Variants in IQGAP2 observed in about 807,000 individuals in gnomAD.
The protein encoded by IQGAP2 is IQ motif containing GTPase activating protein 2.
IQGAP2 carries 173 observed loss-of-function variants against 201.3 expected under a neutral mutation model. That is an observed-to-expected ratio of 0.86 (90% CI 0.76 to 0.98). The LOEUF is 0.98. Among genes scored for constraint, IQGAP2 ranks in the 50% least tolerant of loss-of-function variants. The pLI is 0.00. For missense variants in IQGAP2, 1,687 were observed against 1,864.8 expected (o/e 0.90, Z 1.76); for synonymous variants, 675 against 673.9 (o/e 1.00, Z -0.03).
At position 76,523,396 on chromosome 5, in the gene IQGAP2, T is replaced by C. The variant is rs1018004134; in HGVS notation, c.147-39000T>C. On this transcript the variant is annotated intron_variant, in intron 2 of 35. Coordinates refer to ENST00000274364, the MANE Select transcript of IQGAP2 (RefSeq NM_006633.5). ...TTGAACCACCACGACCAGCCTTAAT[T>C]TTCACTGGGAAAGATTATTGAACTG... 3.3e-5 allele frequency among the ~76,000 whole-genome samples: 5 copies of C among 152,248 alleles called. No individual in the cohort carries two copies. In the East Asian group the frequency reaches 9.7e-4, roughly 29 times the overall value.
At chr5:76,640,404 C>G (rs935862056) in intron 16 of IQGAP2, among the ~76,000 whole-genome samples, 6 of 152,164 alleles carry the variant, frequency 3.9e-5, no homozygotes, top group African/African-American at 1.4e-4. Context: ...GCTCTCTATC[C>G]TTAATAGCAC....
chr5:76,615,765 A>T (rs1474518588), intron 13 of IQGAP2: 1 of 83,624 alleles, frequency 1.2e-5, no homozygotes. Flanking sequence ...AATGGGTATT[A>T]ATAACAAAAT....
At chr5:76,437,474 C>T (rs917209548) in intron 1 of IQGAP2, among the ~76,000 whole-genome samples, 1 of 152,162 alleles carries the variant, frequency 6.6e-6, no homozygotes, top group Non-Finnish European at 1.5e-5. Context: ...ATCAACCCAT[C>T]ACCTAGGTAT....
At chr5:76,689,942 A>G (rs913722850) in intron 30 of IQGAP2, among the ~76,000 whole-genome samples, 2 of 152,214 alleles carry the variant, frequency 1.3e-5, no homozygotes, top group Non-Finnish European at 2.9e-5. Flanking sequence ...ACCAGCTTAC[A>G]AGCGCCGTAT....
chr5:76,535,461 G>T (rs1008042877), intron 2 of IQGAP2, among the ~76,000 whole-genome samples: 1 of 152,150 alleles, frequency 6.6e-6, no homozygotes, highest in Non-Finnish European at 1.5e-5. Flanking sequence ...TACCTAATTT[G>T]CAGGGCCCTC....
At chr5:76,420,313 T>G (rs1014618622) in intron 1 of IQGAP2, among the ~76,000 whole-genome samples, 1 of 152,126 alleles carries the variant, frequency 6.6e-6, no homozygotes, top group African/African-American at 2.4e-5. Context: ...CAGTGGACAG[T>G]TTTGTGGTAT....
At chr5:76,414,092 C>A (rs1409153419) in intron 1 of IQGAP2, among the ~76,000 whole-genome samples, 1 of 152,222 alleles carries the variant, frequency 6.6e-6, no homozygotes, top group Non-Finnish European at 1.5e-5. Flanking sequence ...CCGCAACTCA[C>A]GTGCCCACTT....
chr5:76,475,692 C>A (rs1472769768), intron 2 of IQGAP2, among the ~76,000 whole-genome samples: 2 of 152,170 alleles, frequency 1.3e-5, no homozygotes, highest in Non-Finnish European at 2.9e-5. Flanking sequence ...TTCTGCCCCC[C>A]TCCCATAACC....
chr5:76,643,912 A>G (rs887992099), intron 17 of IQGAP2, among the ~76,000 whole-genome samples: 16 of 112,898 alleles, frequency 1.4e-4, no homozygotes, highest in African/African-American at 3.8e-4. Flanking sequence ...CTGCTCTTAT[A>G]GATGGCTGGA....
intron 17 of IQGAP2, among the ~76,000 whole-genome samples, chr5:76,642,010 G>A (rs1360568848): frequency 6.6e-6 from 1 of 152,038 alleles, no homozygotes; most frequent in Non-Finnish European, 1.5e-5. Flanking sequence ...TGGAGCTTAA[G>A]ATATTATTAG....
At chr5:76,432,128 C>CTTTTTTTTTTTTTTTTTTTTTTTTTTT (rs70982606) in intron 1 of IQGAP2, among the ~76,000 whole-genome samples, 1 of 95,300 alleles carries the variant, frequency 1.0e-5, no homozygotes, top group Non-Finnish European at 2.0e-5. Context: ...TTTCTTTCTT[C>CTTTTTTTTTTTTTTTTTTTTTTTTTTT]TTTTTTTTTT....
chr5:76,693,489 T>G (rs1347419218), intron 31 of IQGAP2, 47 bp downstream of exon 31: 1 of 1,163,186 alleles, frequency 8.6e-7, no homozygotes, highest in Non-Finnish European at 1.3e-6. Flanking sequence ...GTGTTGATTT[T>G]CTTCATAAAT....
At chr5:76,486,772 A>AGTTTTGTTTT (rs757249865) in intron 2 of IQGAP2, among the ~76,000 whole-genome samples, 3 of 152,060 alleles carry the variant, frequency 2.0e-5, no homozygotes, top group South Asian at 4.2e-4. Context: ...ACTTCTTCAG[A>AGTTTTGTTTT]GTTTTGTTTT....
chr5:76,591,311 G>T (rs1183685165), intron 8 of IQGAP2, among the ~76,000 whole-genome samples: 1 of 152,128 alleles, frequency 6.6e-6, no homozygotes, highest in African/African-American at 2.4e-5. Context: ...GGATGTTTTT[G>T]AATCTACAGT....
chr5:76,659,455 A>G (rs1212836978), intron 21 of IQGAP2, among the ~76,000 whole-genome samples: 3 of 152,332 alleles, frequency 2.0e-5, no homozygotes, highest in Non-Finnish European at 2.9e-5. Context: ...GCAGGAACTC[A>G]TTTTCCAAAA....
At chr5:76,570,245 ATG>A (rs937054679) in intron 3 of IQGAP2, among the ~76,000 whole-genome samples, 3 of 152,200 alleles carry the variant, frequency 2.0e-5, no homozygotes, top group Admixed American at 6.5e-5. Flanking sequence ...GACACCATGC[ATG>A]TGTGTGTATG....
At chr5:76,404,783 T>C (rs566150960) in intron 1 of IQGAP2, among the ~76,000 whole-genome samples, 2 of 152,356 alleles carry the variant, frequency 1.3e-5, no homozygotes, top group East Asian at 3.9e-4. Context: ...AGCAGTTGAC[T>C]GAGACCCAGC....
intron 30 of IQGAP2, among the ~76,000 whole-genome samples, chr5:76,684,716 C>T (rs1745588997): frequency 6.6e-6 from 1 of 152,142 alleles, no homozygotes; most frequent in African/African-American, 2.4e-5. Context: ...CAATACGAAA[C>T]ATATTACTTC....
chr5:76,562,953 C>A lies in IQGAP2; in HGVS notation c.303+401C>A, dbSNP rs115865393. Among the ~76,000 whole-genome samples the A allele has an allele frequency of 4.8e-3, 738 of 152,308 alleles. 8 individuals are homozygous for A. The highest frequency in any genetic ancestry group is 0.017 in the African/African-American group (695 of 41,566). ...CGAATGATCAGCCAAGAATTCTTTT[C>A]CATTTCATGTTTAAAGCAAGATACG... On this transcript the variant is annotated intron_variant, in intron 3 of 35. Transcript: ENST00000274364.
Sources: gnomAD v4.1 joint callset for allele counts (sites outside exome capture counted in the v4.1 genomes callset) on GRCh38, gnomAD v4.1.1 for gene constraint, MANE v1.5 for transcripts, NCBI Gene and HGNC (gene_info 2026-07-23, HGNC 2026-07-21) for gene names.